KCNIP1: variants seen among roughly 807,000 people sequenced by gnomAD.
The protein encoded by KCNIP1 is potassium voltage-gated channel interacting protein 1.
Under a neutral mutation model 33.0 loss-of-function variants are expected in KCNIP1, and 18 were observed. That is an observed-to-expected ratio of 0.55 (90% CI 0.38 to 0.81). The LOEUF is 0.81. Ranked by LOEUF, KCNIP1 falls within the 30% of genes least tolerant of loss-of-function variation. The pLI, the probability that KCNIP1 is intolerant of heterozygous loss-of-function variation, is 0.00. For missense variants in KCNIP1, 238 were observed against 271.6 expected, an observed-to-expected ratio of 0.88 and a Z score of 0.87; for synonymous variants, 93 against 98.3, an observed-to-expected ratio of 0.95 and a Z score of 0.32.
chr5:170,488,717 C>T (rs1757145903), intron 1 of KCNIP1, among the ~76,000 whole-genome samples: 1 of 152,152 alleles, frequency 6.6e-6, no homozygotes, highest in Non-Finnish European at 1.5e-5. Context: ...GGAGAGGCCG[C>T]ATGACATGAG....
chr5:170,648,872 G>T (rs2113716454), intron 1 of KCNIP1, among the ~76,000 whole-genome samples: 1 of 152,204 alleles, frequency 6.6e-6, no homozygotes, highest in East Asian at 1.9e-4. Flanking sequence ...GAGTATATGG[G>T]AACTCTTCTA....
chr5:170,370,101 G>T (rs1296589767), intron 1 of KCNIP1, among the ~76,000 whole-genome samples: 1 of 152,144 alleles, frequency 6.6e-6, no homozygotes, highest in African/African-American at 2.4e-5. Context: ...CAAGAGGGGA[G>T]AGAGAGAGGG....
chr5:170,478,257 C>T (rs990166355), intron 1 of KCNIP1, among the ~76,000 whole-genome samples: 7 of 152,170 alleles, frequency 4.6e-5, no homozygotes, highest in Non-Finnish European at 8.8e-5. Flanking sequence ...TTGTAAGTTC[C>T]TTGTTTAGTT....
Position 170,504,659 on chromosome 5 carries a change from C to T in KCNIP1, c.61+26C>T. The T allele has an allele frequency of 1.2e-6, 2 of 1,601,062 alleles. No individual in the cohort carries two copies. The highest frequency in any genetic ancestry group is 1.7e-6 in the Non-Finnish European group (2 of 1,168,482). ...GTAAGCCACCTTCTTCCTTTTGTTC[C>T]CCTGTCTGGGCTTGGGGGTGCTAGG... On this transcript the variant is annotated intron_variant, in intron 1 of 7. Coordinates refer to ENST00000328939, the MANE Select transcript of KCNIP1 (RefSeq NM_014592.4). The surrounding 1 kb of genome is among the most constrained non-coding windows in gnomAD (Gnocchi z 6.0).
At chr5:170,531,870 A>G (rs1400303793) in intron 1 of KCNIP1, among the ~76,000 whole-genome samples, 1 of 151,764 alleles carries the variant, frequency 6.6e-6, no homozygotes, top group Non-Finnish European at 1.5e-5. Flanking sequence ...GTCCTCTAGA[A>G]TCCTCTAGAA....
intron 1 of KCNIP1, among the ~76,000 whole-genome samples, chr5:170,394,758 C>T (rs192762687): frequency 2.0e-5 from 3 of 152,288 alleles, no homozygotes; most frequent in South Asian, 4.1e-4. Flanking sequence ...CTCCCTCCTT[C>T]CTTTTGGAGT....
chr5:170,513,254 A>G (rs1041611502), intron 1 of KCNIP1, among the ~76,000 whole-genome samples: 2 of 152,210 alleles, frequency 1.3e-5, no homozygotes, highest in East Asian at 1.9e-4. Flanking sequence ...TTTAAGCCTC[A>G]TTTTACAAAT....
chr5:170,356,270 G>A lies in KCNIP1; in HGVS notation c.88+2306G>A, dbSNP rs10475939. Among the ~76,000 whole-genome samples, 1,202 of 152,296 alleles carry A rather than the reference G, an allele frequency of 7.9e-3. 20 individuals carry two copies. Among genetic ancestry groups the A allele is most frequent in the African/African-American group, 0.027 (1,131 of 41,538 alleles). ...AGATTTGCAGTAATCCAACCCTCAG[G>A]AGAGGGATTTTTCTTTGTCCCTTGC... On this transcript the variant is annotated intron_variant, in intron 1 of 7. Coordinates refer to the KCNIP1 transcript ENST00000377360.
At chr5:170,498,960 T>G (rs1757360225) in intron 1 of KCNIP1, among the ~76,000 whole-genome samples, 1 of 152,008 alleles carries the variant, frequency 6.6e-6, no homozygotes, top group Admixed American at 6.6e-5. Flanking sequence ...GATCTCAGTT[T>G]GAGTATTTGT....
At chr5:170,561,611 T>C (rs1757037071) in intron 1 of KCNIP1, among the ~76,000 whole-genome samples, 1 of 152,222 alleles carries the variant, frequency 6.6e-6, no homozygotes, top group Non-Finnish European at 1.5e-5. Flanking sequence ...GCCTCTGTGG[T>C]TGATCACCCT....
intron 1 of KCNIP1, among the ~76,000 whole-genome samples, chr5:170,618,068 C>T (rs562712213): frequency 1.3e-5 from 2 of 152,264 alleles, no homozygotes; most frequent in South Asian, 2.1e-4. Flanking sequence ...GCCCTCCAAC[C>T]GACCACTGGA....
intron 1 of KCNIP1, among the ~76,000 whole-genome samples, chr5:170,407,891 A>G (rs1561610731): frequency 1.9e-5 from 1 of 53,650 alleles, no homozygotes; most frequent in Non-Finnish European, 3.5e-5. Flanking sequence ...GTGACCTTCA[A>G]ACTATGGTGG....
intron 1 of KCNIP1, among the ~76,000 whole-genome samples, chr5:170,568,994 T>C (rs1423456643): frequency 6.6e-6 from 1 of 152,126 alleles, no homozygotes; most frequent in Non-Finnish European, 1.5e-5. Flanking sequence ...TGGATCGGGA[T>C]AGCTTTCCAT....
intron 1 of KCNIP1, among the ~76,000 whole-genome samples, chr5:170,630,928 C>T (rs1760030087): frequency 6.6e-6 from 1 of 152,136 alleles, no homozygotes; most frequent in Admixed American, 6.5e-5. Context: ...CCTCCTTCCC[C>T]AGTCACACCA....
intron 1 of KCNIP1, among the ~76,000 whole-genome samples, chr5:170,664,706 G>T (rs1761637856): frequency 6.6e-6 from 1 of 151,838 alleles, no homozygotes; most frequent in Non-Finnish European, 1.5e-5. Flanking sequence ...CCCTCAAGGG[G>T]TTTTCAGTTT....
intron 1 of KCNIP1, among the ~76,000 whole-genome samples, chr5:170,655,284 AAAATG>A (rs2113732757): frequency 6.6e-6 from 1 of 152,308 alleles, no homozygotes; most frequent in East Asian, 1.9e-4. Context: ...CTGTTGTATA[AAAATG>A]ACAGATTTTC....
At chr5:170,394,467 G>A (rs567340208) in intron 1 of KCNIP1, among the ~76,000 whole-genome samples, 4 of 149,044 alleles carry the variant, frequency 2.7e-5, no homozygotes, top group Non-Finnish European at 6.1e-5. Context: ...TCGTGCTTTG[G>A]TTTTCGGGAA....
intron 1 of KCNIP1, among the ~76,000 whole-genome samples, chr5:170,467,583 C>A (rs1414146982): frequency 6.6e-6 from 1 of 152,076 alleles, no homozygotes; most frequent in Non-Finnish European, 1.5e-5. Flanking sequence ...ATGACATTGG[C>A]AGGACCATAG....
intron 1 of KCNIP1, among the ~76,000 whole-genome samples, chr5:170,380,263 C>A (rs1764186364): frequency 6.6e-6 from 1 of 152,242 alleles, no homozygotes; most frequent in Non-Finnish European, 1.5e-5. Context: ...GTGGTGCCCC[C>A]ATCTGCAGCA....
Sources: allele counts gnomAD v4.1 joint callset (sites outside exome capture counted in the v4.1 genomes callset), GRCh38; gene constraint gnomAD v4.1.1; non-coding constraint Gnocchi (gnomAD v3.1); transcripts MANE v1.5; gene names NCBI Gene and HGNC (gene_info 2026-07-23, HGNC 2026-07-21).